Variants in KCNK2 observed in about 807,000 individuals in gnomAD.
The protein encoded by KCNK2 is potassium two pore domain channel subfamily K member 2, also known as potassium channel subfamily K member 2.
A neutral mutation model predicts 40.5 loss-of-function variants in KCNK2; 21 were observed. The ratio of observed to expected loss-of-function variants is 0.52; its 90% CI spans 0.37 to 0.75. The LOEUF (loss-of-function observed/expected upper bound fraction) is 0.75, where lower values mean the gene tolerates loss of function less well. KCNK2 is among the 30% of genes least tolerant of loss of function. KCNK2 has a pLI of 0.00. For synonymous variants in KCNK2, 191 were observed against 202.2 expected (o/e 0.94, Z 0.47); for missense variants, 399 against 531.6 (o/e 0.75, Z 2.45).
intron 3 of KCNK2, among the ~76,000 whole-genome samples, chr1:215,162,179 G>A (rs1423443274): frequency 6.6e-6 from 1 of 152,164 alleles, no homozygotes; most frequent in Non-Finnish European, 1.5e-5. Context: ...GAACAGTGAT[G>A]ATGAGCTTTC....
chr1:215,011,610 T>TA (rs1656392004), intron 1 of KCNK2, among the ~76,000 whole-genome samples: 1 of 116,684 alleles, frequency 8.6e-6, no homozygotes, highest in Non-Finnish European at 1.8e-5. Context: ...GATTTTTTTT[T>TA]ATTTTTATTT....
chr1:215,103,458 T>C (rs1660306059), intron 2 of KCNK2, among the ~76,000 whole-genome samples: 1 of 152,054 alleles, frequency 6.6e-6, no homozygotes, highest in Non-Finnish European at 1.5e-5. Context: ...ATAGCTTACA[T>C]GCTACCAGAA....
chr1:215,066,987 A>G (rs914849511), intron 1 of KCNK2, among the ~76,000 whole-genome samples: 2 of 152,218 alleles, frequency 1.3e-5, no homozygotes, highest in African/African-American at 4.8e-5. Context: ...CATCAGAAAA[A>G]TACATTTATT....
At chr1:215,019,392 T>C (rs72762605) in intron 1 of KCNK2, among the ~76,000 whole-genome samples, 17,479 of 152,246 alleles carry the variant, frequency 0.11, 1,096 homozygotes, top group Middle Eastern at 0.28. Flanking sequence ...AAAGGAGTTA[T>C]TCTCCCCTAG....
chr1:215,172,019 A>C lies in KCNK2; in HGVS notation c.659A>C (p.Lys220Thr). The C allele has an allele frequency of 1.9e-6, 3 of 1,613,008 alleles. No individual in the cohort carries two copies. The highest frequency in any genetic ancestry group is 2.5e-6 in the Non-Finnish European group (3 of 1,179,438). ...TAGAAGTGGAATGTTAGTCAGACCA[A>C]GATTCGCATCATCTCAACAATCATA... ...TFIKWNVSQT[K>T]IRIISTIIFI... Residue 220 changes from lysine to threonine, a missense_variant, in exon 5 of 7, where the codon AAG becomes ACG. Lys to Thr is a moderately conservative substitution (Grantham distance 78). Transcript: ENST00000444842.
At chr1:215,223,793 A>G (rs1469148449) in intron 6 of KCNK2, among the ~76,000 whole-genome samples, 1 of 152,134 alleles carries the variant, frequency 6.6e-6, no homozygotes, top group Non-Finnish European at 1.5e-5. Context: ...TTATTTTTAC[A>G]CTTTTATTCA....
At chr1:215,231,871 A>G (rs1271071347) in intron 6 of KCNK2, among the ~76,000 whole-genome samples, 2 of 152,148 alleles carry the variant, frequency 1.3e-5, no homozygotes, top group African/African-American at 4.8e-5. Flanking sequence ...CGGGCAAGAG[A>G]GCAAATGCAG....
intron 2 of KCNK2, among the ~76,000 whole-genome samples, chr1:215,113,698 C>A (rs371501647): frequency 1.2e-4 from 18 of 152,256 alleles, no homozygotes; most frequent in African/African-American, 4.3e-4. Flanking sequence ...CAGGTTCAAG[C>A]GATTCTTATG....
intron 3 of KCNK2, among the ~76,000 whole-genome samples, chr1:215,144,306 T>C (rs1322248468): frequency 1.3e-5 from 2 of 152,130 alleles, no homozygotes; most frequent in African/African-American, 4.8e-5. Flanking sequence ...GTTTAATCGA[T>C]GCCCCTTAAT....
At chr1:215,149,421 C>T (rs180683716) in intron 3 of KCNK2, among the ~76,000 whole-genome samples, 71 of 152,260 alleles carry the variant, frequency 4.7e-4, no homozygotes, top group African/African-American at 1.6e-3. Context: ...TTCCTCGGCA[C>T]ATCTGTCAGT....
At chr1:215,058,222 T>A (rs1290442954) in intron 1 of KCNK2, among the ~76,000 whole-genome samples, 1 of 152,154 alleles carries the variant, frequency 6.6e-6, no homozygotes, top group Non-Finnish European at 1.5e-5. Flanking sequence ...AATTCACTGG[T>A]TGGCAGAGGT....
At chr1:215,104,008 A>G (rs1368902770) in intron 2 of KCNK2, among the ~76,000 whole-genome samples, 5 of 152,074 alleles carry the variant, frequency 3.3e-5, no homozygotes, top group Non-Finnish European at 7.4e-5. Flanking sequence ...TTTTGAGTCT[A>G]AAAGGAAATA....
intron 2 of KCNK2, among the ~76,000 whole-genome samples, chr1:215,102,060 A>G (rs1487270252): frequency 1.3e-5 from 2 of 152,036 alleles, no homozygotes; most frequent in Admixed American, 6.6e-5. Context: ...ATGCCTGTAT[A>G]CAATATGTAA....
intron 6 of KCNK2, among the ~76,000 whole-genome samples, chr1:215,196,176 C>G (rs1664857205): frequency 6.6e-6 from 1 of 151,866 alleles, no homozygotes; most frequent in Admixed American, 6.6e-5. Flanking sequence ...CTCTGCCTCC[C>G]AGGTTCAAGT....
intron 6 of KCNK2, among the ~76,000 whole-genome samples, chr1:215,233,539 A>G (rs1471664682): frequency 6.6e-6 from 1 of 152,112 alleles, no homozygotes; most frequent in Non-Finnish European, 1.5e-5. Context: ...TCATATTATA[A>G]TATCTATCCC....
At chr1:215,183,047 G>A (rs144450785) in intron 5 of KCNK2, among the ~76,000 whole-genome samples, 7 of 152,176 alleles carry the variant, frequency 4.6e-5, no homozygotes, top group South Asian at 2.1e-4. Flanking sequence ...TCTCCTCCCC[G>A]GGTTCTGGGG....
intron 1 of KCNK2, among the ~76,000 whole-genome samples, chr1:215,016,631 G>A (rs1272641451): frequency 6.6e-6 from 1 of 152,090 alleles, no homozygotes; most frequent in Non-Finnish European, 1.5e-5. Flanking sequence ...TTAAACATAA[G>A]ATCTGAAGTT....
intron 2 of KCNK2, among the ~76,000 whole-genome samples, chr1:215,105,504 G>C (rs146766742): frequency 6.6e-6 from 1 of 152,042 alleles, no homozygotes; most frequent in Non-Finnish European, 1.5e-5. Context: ...CTCTTGGCTA[G>C]TGTGAATAAT....
intron 2 of KCNK2, among the ~76,000 whole-genome samples, chr1:215,088,668 C>T (rs1035567393): frequency 6.6e-6 from 1 of 151,926 alleles, no homozygotes; most frequent in Non-Finnish European, 1.5e-5. Context: ...CAGTATTACC[C>T]AGATTTATTC....
Sources: gnomAD v4.1 joint callset for allele counts (sites outside exome capture counted in the v4.1 genomes callset) on GRCh38, gnomAD v4.1.1 for gene constraint, MANE v1.5 for transcripts, NCBI Gene and HGNC (gene_info 2026-07-23, HGNC 2026-07-21) for gene names.